The following NSUN6 variants were observed in gnomAD, a reference collection of about 807,000 sequenced individuals.
The protein encoded by NSUN6 is tRNA (cytosine(72)-C(5))-methyltransferase NSUN6.
In NSUN6, 64 loss-of-function variants were observed where a neutral mutation model predicts 58.0. That is an observed-to-expected ratio of 1.10 (90% CI 0.90 to 1.36). The LOEUF (loss-of-function observed/expected upper bound fraction) is 1.36. Ranked by LOEUF, NSUN6 falls within the 40% of genes most tolerant of loss-of-function variation. The probability of loss-of-function intolerance (pLI) is 0.00; values close to 1 mark genes in which losing one functional copy is unlikely to be tolerated. For synonymous variants in NSUN6, 231 were observed against 193.9 expected (o/e 1.19, Z -1.59); for missense variants, 701 against 550.1 (o/e 1.27, Z -2.74).
At chr10:18,589,272 A>C (rs555410383) in intron 7 of NSUN6, among the ~76,000 whole-genome samples, 23 of 152,352 alleles carry the variant, frequency 1.5e-4, no homozygotes, top group African/African-American at 5.5e-4. Context: ...CGACTATGTG[A>C]AAAGACCAAA....
chr10:18,648,780 T>A, intron 1 of NSUN6, 135 bp from the exon 2 acceptor site: 2 of 542,340 alleles, frequency 3.7e-6, no homozygotes, highest in Admixed American at 3.1e-5. Context: ...ATTGTTTATA[T>A]GTTAATAGCA....
At chr10:18,568,760 C>A (rs1418031803) in intron 8 of NSUN6, among the ~76,000 whole-genome samples, 1 of 151,208 alleles carries the variant, frequency 6.6e-6, no homozygotes, top group Non-Finnish European at 1.5e-5. Context: ...CAATACATTT[C>A]ACATTCCATT....
intron 8 of NSUN6, among the ~76,000 whole-genome samples, chr10:18,556,247 G>C (rs548824398): frequency 6.7e-6 from 1 of 150,202 alleles, no homozygotes; most frequent in African/African-American, 2.4e-5. Flanking sequence ...AATGGAATGC[G>C]AATAGAATGG....
chr10:18,608,843 A>G (rs2058130646), intron 6 of NSUN6, among the ~76,000 whole-genome samples: 1 of 152,228 alleles, frequency 6.6e-6, no homozygotes, highest in Non-Finnish European at 1.5e-5. Flanking sequence ...CACTGAAACT[A>G]AAATTAGCAA....
intron 8 of NSUN6, among the ~76,000 whole-genome samples, chr10:18,580,263 G>C (rs2056845862): frequency 6.6e-6 from 1 of 152,162 alleles, no homozygotes; most frequent in Non-Finnish European, 1.5e-5. Context: ...GAGAATCTGT[G>C]CATTTGTGCC....
intron 8 of NSUN6, among the ~76,000 whole-genome samples, chr10:18,580,598 C>T (rs2056861754): frequency 1.3e-5 from 2 of 152,148 alleles, no homozygotes; most frequent in Non-Finnish European, 2.9e-5. Flanking sequence ...CCTGATTACC[C>T]TCACCCAAGA....
In NSUN6 at chr10:18,550,914, C is replaced by T. The variant is rs199993908; in HGVS notation, c.1071+909G>A. Among the ~76,000 whole-genome samples, 131 of 151,982 alleles carry T rather than the reference C, an allele frequency of 8.6e-4. 2 individuals are homozygous for T. The highest frequency in any genetic ancestry group is 2.8e-3 in the African/African-American group (118 of 41,494). On this transcript the variant is annotated intron_variant, in intron 9 of 10. Coordinates refer to ENST00000377304, the MANE Select transcript of NSUN6 (RefSeq NM_182543.5). ...TAATTTTTTGTATTTTTAGTAGAGA[C>T]GGGGTTTTGCCATGTTGGCCAGGCT... is the stretch of plus-strand genomic sequence containing the variant.
intron 3 of NSUN6, among the ~76,000 whole-genome samples, chr10:18,617,185 G>GTTTTTT (rs35698731): frequency 1.6e-4 from 20 of 127,668 alleles, no homozygotes; most frequent in Non-Finnish European, 2.1e-4. Flanking sequence ...AGCCTTTCTA[G>GTTTTTT]TTTTTTTTTT....
chr10:18,547,663 A>C (rs1025765573), intron 10 of NSUN6, among the ~76,000 whole-genome samples: 2 of 152,216 alleles, frequency 1.3e-5, no homozygotes, highest in African/African-American at 2.4e-5. Context: ...TATAATAAGC[A>C]ATAATCCAGA....
rs557646704 is a variant in NSUN6, at chr10:18,575,915, G to A, written c.922+10034C>T. 5.5e-4 allele frequency among the ~76,000 whole-genome samples: 84 copies of A among 152,118 alleles called. 1 individual carries two copies. Among genetic ancestry groups the A allele is most frequent in the East Asian group, 1.5e-3 (8 of 5,176 alleles). On this transcript the variant is annotated intron_variant, in intron 8 of 10. Coordinates refer to ENST00000377304, the MANE Select transcript of NSUN6 (RefSeq NM_182543.5). ...GTACAGGCGCTGTCCTTAGAGTTCC[G>A]GGTGCATCAAGATCAGCCTGGGGAT...
At chr10:18,650,690 C>A (rs570494311) in intron 1 of NSUN6, among the ~76,000 whole-genome samples, 1 of 152,244 alleles carries the variant, frequency 6.6e-6, no homozygotes, top group East Asian at 1.9e-4. Context: ...GAGGAAAAAC[C>A]TCTAAGAAAA....
At chr10:18,633,210 A>G (rs1256294603) in intron 3 of NSUN6, among the ~76,000 whole-genome samples, 1 of 150,350 alleles carries the variant, frequency 6.7e-6, no homozygotes, top group Non-Finnish European at 1.5e-5. Context: ...GAACAATGGG[A>G]ACACATGGAC....
chr10:18,607,597 A>G lies in NSUN6; in HGVS notation c.657+2248T>C, dbSNP rs1189735075. 2.0e-5 allele frequency among the ~76,000 whole-genome samples: 3 copies of G among 152,238 alleles called. No individual in the cohort carries two copies. The East Asian group carries it at 5.8e-4, about 29-fold the overall frequency. Reference sequence around the variant, plus strand: ...GAAACTGAGAAATTTAATGTAATATATGAATTGCTTAAAGCCCTTACCCCC... The same window carrying G: ...GAAACTGAGAAATTTAATGTAATATGTGAATTGCTTAAAGCCCTTACCCCC... On this transcript the variant is annotated intron_variant, in intron 6 of 10. Coordinates refer to ENST00000377304, the MANE Select transcript of NSUN6 (RefSeq NM_182543.5).
intron 3 of NSUN6, among the ~76,000 whole-genome samples, chr10:18,633,060 G>T (rs954343501): frequency 5.9e-5 from 9 of 151,712 alleles, no homozygotes; most frequent in Non-Finnish European, 1.3e-4. Context: ...TATACACCAT[G>T]GAATACTATG....
At chr10:18,609,950 T>G (rs1218440643) in intron 5 of NSUN6, 24 bp from the exon 6 acceptor site, 1 of 1,359,240 alleles carries the variant, frequency 7.4e-7, no homozygotes, top group Admixed American at 1.7e-5. Context: ...AATCTAACAT[T>G]AGTCTGTATA....
chr10:18,615,124 T>C (rs1009383994), intron 4 of NSUN6, among the ~76,000 whole-genome samples: 3 of 149,880 alleles, frequency 2.0e-5, no homozygotes, highest in Non-Finnish European at 3.0e-5. Context: ...TATATATATA[T>C]ATATACACAC....
intron 6 of NSUN6, among the ~76,000 whole-genome samples, chr10:18,602,404 C>A (rs1011595563): frequency 3.9e-5 from 6 of 152,072 alleles, no homozygotes; most frequent in African/African-American, 1.2e-4. Flanking sequence ...CCACCACGCC[C>A]GGCTAATTTT....
chr10:18,594,459 T>G (rs934879559), intron 7 of NSUN6, among the ~76,000 whole-genome samples: 1 of 151,958 alleles, frequency 6.6e-6, no homozygotes, highest in Non-Finnish European at 1.5e-5. Flanking sequence ...TGTTTTTTGT[T>G]TTTTTTTGAG....
chr10:18,556,651 G>A (rs963374743), intron 8 of NSUN6, among the ~76,000 whole-genome samples: 61 of 150,992 alleles, frequency 4.0e-4, no homozygotes, highest in African/African-American at 1.4e-3. Flanking sequence ...AATGGAGAAT[G>A]GAGTGGGGAA....
Sources: allele counts gnomAD v4.1 joint callset (sites outside exome capture counted in the v4.1 genomes callset), GRCh38; gene constraint gnomAD v4.1.1; transcripts MANE v1.5; gene names NCBI Gene and HGNC (gene_info 2026-07-23, HGNC 2026-07-21).